UNC13A: variants seen among roughly 807,000 people sequenced by gnomAD.
UNC13A encodes unc-13 homolog A.
UNC13A carries 61 observed loss-of-function variants against 219.7 expected under a neutral mutation model. The ratio of observed to expected loss-of-function variants is 0.28; its 90% CI spans 0.23 to 0.34. UNC13A has a LOEUF of 0.34. Ranked by LOEUF, UNC13A falls within the 10% of genes least tolerant of loss-of-function variation. The pLI is 1.00. For missense variants in UNC13A, 1,476 were observed against 2,270.3 expected (o/e 0.65, Z 7.11); for synonymous variants, 920 against 884.6 (o/e 1.04, Z -0.71).
rs1466460455 is a variant in UNC13A, at chr19:17,649,576, C to T, written c.1451G>A (p.Gly484Asp). ...SLWFKGGPGG[G>D]LIIIDSMPDI... ...TGGCATGCTGTCGATGATGATGAGA[C>T]CGCCCCCTGGGCTGAAAGACACAGA... The change falls in exon 13 of 44, where the codon GGT (glycine) becomes GAT (aspartate). Residue 484 changes from glycine to aspartate, a missense_variant. By Grantham distance (94) the Gly-to-Asp change is moderately conservative. Coordinates refer to ENST00000519716, the MANE Select transcript of UNC13A (RefSeq NM_001080421.3). The surrounding 1 kb of genome is among the most constrained non-coding windows in gnomAD (Gnocchi z 4.4). 6.2e-7 allele frequency: 1 copy of T among 1,613,844 alleles called. No homozygotes were observed. The highest frequency in any genetic ancestry group is 1.1e-5 in the South Asian group (1 of 91,080).
intron 1 of UNC13A, 136 bp from the exon 2 acceptor site, chr19:17,676,177 T>C (rs1292967342): frequency 2.1e-6 from 2 of 951,700 alleles, no homozygotes; most frequent in African/African-American, 1.6e-5. Flanking sequence ...CAGGCAAAGA[T>C]AAAAAGCAAA....
At chr19:17,610,900 C>T (rs2076596448) in intron 42 of UNC13A, among the ~76,000 whole-genome samples, 1 of 152,108 alleles carries the variant, frequency 6.6e-6, no homozygotes, top group Admixed American at 6.5e-5. Flanking sequence ...AGGTGTGATG[C>T]TGCATGCCTG....
At chr19:17,685,684 G>A (rs888985207) in intron 1 of UNC13A, among the ~76,000 whole-genome samples, 9 of 152,174 alleles carry the variant, frequency 5.9e-5, no homozygotes, top group Admixed American at 2.6e-4. Context: ...GAGTACACAC[G>A]TGTGCCTACG....
intron 34 of UNC13A, among the ~76,000 whole-genome samples, chr19:17,625,957 C>A (rs892113128): frequency 4.0e-5 from 6 of 151,714 alleles, no homozygotes; most frequent in Non-Finnish European, 7.4e-5. Flanking sequence ...ATCCAGCCAG[C>A]CAGACAGACA....
In UNC13A at chr19:17,639,824, T is replaced by C. The variant is rs553456755; in HGVS notation, c.2856+16A>G. On this transcript the variant is annotated intron_variant, in intron 23 of 43. Coordinates refer to ENST00000519716, the MANE Select transcript of UNC13A (RefSeq NM_001080421.3). ...TGTGCGTGGGGTGAGCAAATTCTCA[T>C]GCACACACTTCCTACCCGGTACATG... The C allele has an allele frequency of 2.5e-6, 4 of 1,613,560 alleles. No individual in the cohort carries two copies. In the African/African-American group the frequency reaches 5.3e-5, roughly 22 times the overall value.
intron 7 of UNC13A, among the ~76,000 whole-genome samples, chr19:17,666,255 C>T (rs2079645982): frequency 6.8e-6 from 1 of 147,472 alleles, no homozygotes; most frequent in South Asian, 2.1e-4. Flanking sequence ...CTCTGTCACC[C>T]AGGCTGGAGT....
At chr19:17,611,646 G>A in intron 42 of UNC13A, 117 bp downstream of exon 42, 2 of 926,840 alleles carry the variant, frequency 2.2e-6, no homozygotes, top group Non-Finnish European at 3.3e-6. Context: ...ACCTTTGGAC[G>A]TTTCCGTTTC....
Position 17,627,821 on chromosome 19 carries a change from G to T in UNC13A, c.3831+42C>A, listed in dbSNP as rs766031011. 4 of 1,556,324 alleles carry T rather than the reference G, an allele frequency of 2.6e-6. No homozygotes were observed. The highest frequency in any genetic ancestry group is 3.5e-6 in the Non-Finnish European group (4 of 1,144,522). ...GGCCTGCAGGGACACAGTGGTGGGG[G>T]TGCCCCATCCCTTCTCCAGCCCTGC... On this transcript the variant is annotated intron_variant, in intron 32 of 43. Coordinates refer to ENST00000519716, the MANE Select transcript of UNC13A (RefSeq NM_001080421.3). This position sits in a 1 kb window ranked among gnomAD's most constrained non-coding sequence, Gnocchi z 4.7.
At chr19:17,619,012 C>G (rs1472116898) in intron 38 of UNC13A, 50 bp from the exon 39 acceptor site, 1 of 1,561,284 alleles carries the variant, frequency 6.4e-7, no homozygotes, top group Non-Finnish European at 8.8e-7. Context: ...CTACAGCTGA[C>G]ACTCCAGCCC....
chr19:17,635,290 T>G (rs9653165), intron 26 of UNC13A, among the ~76,000 whole-genome samples: 4 of 151,982 alleles, frequency 2.6e-5, no homozygotes, highest in Admixed American at 6.6e-5. Flanking sequence ...CGTGAGCCAC[T>G]GTGCCTGACC....
At position 17,623,565 on chromosome 19, in the gene UNC13A, G is replaced by A; in HGVS notation, c.4198-18C>T. The A allele has an allele frequency of 7.1e-7, 1 of 1,409,228 alleles. No individual in the cohort carries two copies. The highest frequency in any genetic ancestry group is 9.4e-7 in the Non-Finnish European group (1 of 1,069,336). The allele number at this position is 1,409,228 out of a possible 1,614,324, so 87.3% of individuals were successfully genotyped here. A position where few individuals can be genotyped will look rare whatever the true frequency, so the allele number is the denominator to read the frequency against. On this transcript the variant is annotated intron_variant, in intron 35 of 43. Transcript: ENST00000519716. ...ACGATCATCTGTCATCCGTGATGGGGGCGGGGCGGTGGGGGAGGGGGGAAT... is the reference window on the plus strand; with the variant it reads ...ACGATCATCTGTCATCCGTGATGGGAGCGGGGCGGTGGGGGAGGGGGGAAT...
chr19:17,616,047 G>A (rs2076658830), intron 41 of UNC13A, among the ~76,000 whole-genome samples: 2 of 152,322 alleles, frequency 1.3e-5, no homozygotes, highest in South Asian at 4.1e-4. Context: ...TGAGAAAACT[G>A]AGGCTCAGGG....
chr19:17,686,312 C>A (rs1053550695), intron 1 of UNC13A, among the ~76,000 whole-genome samples: 8 of 116,118 alleles, frequency 6.9e-5, no homozygotes, highest in Non-Finnish European at 9.8e-5. Context: ...CCCCCCCCCC[C>A]CCCCCACTCC....
chr19:17,672,242 G>A, intron 4 of UNC13A, 136 bp downstream of exon 4: 1 of 721,992 alleles, frequency 1.4e-6, no homozygotes, highest in South Asian at 1.6e-5. Flanking sequence ...ACTTTGGAAG[G>A]TTCGTGGCAA....
chr19:17,663,843 T>C (rs2079595595), intron 7 of UNC13A, among the ~76,000 whole-genome samples: 1 of 152,136 alleles, frequency 6.6e-6, no homozygotes, highest in African/African-American at 2.4e-5. Flanking sequence ...TCATCCAGCC[T>C]GGAGTAGAGT....
At chr19:17,635,929 T>TA (rs1201326624) in intron 26 of UNC13A, 95 bp downstream of exon 26, 1 of 1,447,042 alleles carries the variant, frequency 6.9e-7, no homozygotes, top group Non-Finnish European at 9.3e-7. Context: ...CACATTTGTG[T>TA]AATTAGACAA....
intron 19 of UNC13A, among the ~76,000 whole-genome samples, chr19:17,643,571 G>A (rs1035448724): frequency 4.6e-5 from 7 of 151,952 alleles, no homozygotes; most frequent in Admixed American, 3.9e-4. Flanking sequence ...CGCCCGCCTC[G>A]GCCTCCCAAG....
intron 17 of UNC13A, among the ~76,000 whole-genome samples, chr19:17,646,968 C>T (rs529374118): frequency 6.6e-6 from 1 of 152,302 alleles, no homozygotes; most frequent in African/African-American, 2.4e-5. Context: ...AAGTCCTTGC[C>T]CCTCACCAGG....
At position 17,609,931 on chromosome 19, in the gene UNC13A, C is replaced by T; in HGVS notation, c.4811+9G>A. Reference sequence around the variant, plus strand: ...TGCCCCCATGCTCTTCAAAGCATCCCAAACTCACAACTGGAAGCTCTCATT... The same window carrying T: ...TGCCCCCATGCTCTTCAAAGCATCCTAAACTCACAACTGGAAGCTCTCATT... On this transcript the variant is annotated intron_variant, in intron 43 of 43. Transcript: ENST00000519716. The T allele has an allele frequency of 5.0e-6, 8 of 1,613,146 alleles. No individual in the cohort carries two copies. Among genetic ancestry groups the T allele is most frequent in the Non-Finnish European group, 6.8e-6 (8 of 1,179,872 alleles).
Sources: gnomAD v4.1 joint callset for allele counts (sites outside exome capture counted in the v4.1 genomes callset) on GRCh38, gnomAD v4.1.1 for gene constraint, Gnocchi (gnomAD v3.1) non-coding constraint, MANE v1.5 for transcripts, NCBI Gene and HGNC (gene_info 2026-07-23, HGNC 2026-07-21) for gene names.